LRMDA: variants seen among roughly 807,000 people sequenced by gnomAD.
LRMDA encodes the protein leucine-rich melanocyte differentiation-associated protein.
LRMDA carries 18 observed loss-of-function variants against 29.8 expected under a neutral mutation model. The observed-to-expected ratio is 0.60, with a 90% CI of 0.42 to 0.90. The LOEUF (loss-of-function observed/expected upper bound fraction) is 0.90. Ranked by LOEUF, LRMDA falls within the 40% of genes least tolerant of loss-of-function variation. The pLI is 0.00. For missense variants in LRMDA, 273 were observed against 273.9 expected (o/e 1.00, Z 0.02); for synonymous variants, 125 against 109.4 (o/e 1.14, Z -0.89).
At chr10:75,967,316 A>G (rs531249979) in intron 2 of LRMDA, among the ~76,000 whole-genome samples, 7 of 152,212 alleles carry the variant, frequency 4.6e-5, no homozygotes, top group East Asian at 1.9e-4. Flanking sequence ...GAACTTTTTC[A>G]TGCTCCTTGC....
intron 6 of LRMDA, among the ~76,000 whole-genome samples, chr10:76,435,989 T>C (rs1842240827): frequency 6.6e-6 from 1 of 152,200 alleles, no homozygotes; most frequent in Non-Finnish European, 1.5e-5. Flanking sequence ...GGGATATTGG[T>C]TATTTCCCCA....
At chr10:76,040,168 T>A (rs1172515399) in intron 3 of LRMDA, among the ~76,000 whole-genome samples, 1 of 152,088 alleles carries the variant, frequency 6.6e-6, no homozygotes, top group African/African-American at 2.4e-5. Flanking sequence ...GGAGCGGCAA[T>A]CATTGTACAA....
At chr10:76,167,168 T>C (rs565230302) in intron 5 of LRMDA, among the ~76,000 whole-genome samples, 141 of 152,330 alleles carry the variant, frequency 9.3e-4, no homozygotes, top group African/African-American at 3.2e-3. Flanking sequence ...GTTTTTTTCT[T>C]GTACATTTGT....
At chr10:76,333,111 C>T (rs745970437) in intron 6 of LRMDA, among the ~76,000 whole-genome samples, 15 of 152,006 alleles carry the variant, frequency 9.9e-5, no homozygotes, top group Non-Finnish European at 1.6e-4. Flanking sequence ...GAAGGGCATT[C>T]CAGAAAGATA....
intron 2 of LRMDA, among the ~76,000 whole-genome samples, chr10:75,548,046 A>G (rs1158642278): frequency 6.6e-6 from 1 of 151,930 alleles, no homozygotes; most frequent in African/African-American, 2.4e-5. Flanking sequence ...AGCATTAATC[A>G]TTCTGTATCT....
In LRMDA at chr10:75,981,443, T is replaced by G. The variant is rs77099552; in HGVS notation, c.132-54565T>G. 7.5e-4 allele frequency among the ~76,000 whole-genome samples: 114 copies of G among 152,360 alleles called. 2 individuals are homozygous for G. The East Asian group carries it at 0.018, about 24-fold the overall frequency. ...CAAAGACTCTTTTTCCCTTTTCATCTTCATCTATTGAAATAACATATAACA... is the reference window on the plus strand; with the variant it reads ...CAAAGACTCTTTTTCCCTTTTCATCGTCATCTATTGAAATAACATATAACA... On this transcript the variant is annotated intron_variant, in intron 2 of 6. Transcript: ENST00000611255.
intron 6 of LRMDA, among the ~76,000 whole-genome samples, chr10:76,446,514 C>A (rs759265136): frequency 3.9e-5 from 6 of 152,140 alleles, no homozygotes; most frequent in Non-Finnish European, 7.4e-5. Context: ...GCTAATCATG[C>A]TGCTTTTTCT....
At position 76,474,406 on chromosome 10, in the gene LRMDA, T is replaced by A. The variant is rs1842646882; in HGVS notation, c.602-82803T>A. On this transcript the variant is annotated intron_variant, in intron 6 of 6. Coordinates refer to ENST00000611255, the MANE Select transcript of LRMDA (RefSeq NM_001305581.2). ...ACTTCCTCAAAATTTAAAACTTGGG[T>A]GCCTCAAAGAACATCATCAGGAGTG... is the stretch of plus-strand genomic sequence containing the variant. Among the ~76,000 whole-genome samples, 2 of 151,560 alleles carry A rather than the reference T, an allele frequency of 1.3e-5. 1 individual carries two copies. Among genetic ancestry groups the A allele is most frequent in the South Asian group, 4.1e-4 (2 of 4,834 alleles).
At chr10:75,934,145 T>C (rs938263745) in intron 2 of LRMDA, among the ~76,000 whole-genome samples, 7 of 152,194 alleles carry the variant, frequency 4.6e-5, no homozygotes, top group African/African-American at 1.7e-4. Flanking sequence ...AGGCATCACC[T>C]GCTGACCTAA....
chr10:75,873,521 T>C (rs1845146991), intron 2 of LRMDA, among the ~76,000 whole-genome samples: 1 of 152,162 alleles, frequency 6.6e-6, no homozygotes, highest in Non-Finnish European at 1.5e-5. Context: ...CTTTGTTCTT[T>C]GGGGTTTCAA....
At chr10:76,155,824 C>T (rs1865642) in intron 5 of LRMDA, among the ~76,000 whole-genome samples, 143,891 of 152,268 alleles carry the variant, frequency 0.94, 68,081 homozygotes, top group East Asian at 1. Flanking sequence ...ACTTATCAGC[C>T]TCCAGGTGTA....
intron 2 of LRMDA, among the ~76,000 whole-genome samples, chr10:75,510,988 T>C (rs1478464978): frequency 6.6e-6 from 1 of 152,192 alleles, no homozygotes; most frequent in Non-Finnish European, 1.5e-5. Flanking sequence ...CTCTGTTCCC[T>C]TCTGTGCCCA....
chr10:76,068,363 C>T (rs1257871405), intron 5 of LRMDA, among the ~76,000 whole-genome samples: 1 of 152,184 alleles, frequency 6.6e-6, no homozygotes, highest in Non-Finnish European at 1.5e-5. Flanking sequence ...GGGCAGCAGT[C>T]ACCAACGTTT....
intron 2 of LRMDA, among the ~76,000 whole-genome samples, chr10:75,900,036 G>T (rs1411224405): frequency 6.6e-6 from 1 of 152,186 alleles, no homozygotes; most frequent in Non-Finnish European, 1.5e-5. Flanking sequence ...CTTCCTTTGA[G>T]AAAACAAATA....
At position 76,058,734 on chromosome 10, in the gene LRMDA, G is replaced by T; in HGVS notation, c.467G>T (p.Arg156Leu). ...GCCCAGAAAGTAACCAGACAAGAAC[G>T]AGAGGAGGCGTTGGTCAGAGGAGTC... The part of the protein sequence containing the change: ...LDAQKVTRQE[R>L]EEALVRGVFM... The change falls in exon 5 of 7, where the codon CGA (arginine) becomes CTA (leucine). Residue 156 changes from arginine to leucine, a missense_variant. Arg to Leu is a moderately radical substitution (Grantham distance 102). Transcript: ENST00000611255. The T allele has an allele frequency of 6.2e-7, 1 of 1,614,192 alleles. No individual in the cohort carries two copies. Among genetic ancestry groups the T allele is most frequent in the Middle Eastern group, 1.6e-4 (1 of 6,062 alleles).
chr10:76,547,118 G>A (rs1487395004), intron 6 of LRMDA, among the ~76,000 whole-genome samples: 3 of 152,002 alleles, frequency 2.0e-5, no homozygotes, highest in Admixed American at 1.3e-4. Context: ...TTATTTTTAC[G>A]TTTTTTACTT....
intron 5 of LRMDA, among the ~76,000 whole-genome samples, chr10:76,136,474 T>A (rs1000611643): frequency 2.6e-5 from 4 of 152,182 alleles, no homozygotes; most frequent in African/African-American, 9.6e-5. Context: ...CTGGTTCACA[T>A]GCTGATATAT....
At chr10:76,286,297 G>GT in intron 5 of LRMDA, among the ~76,000 whole-genome samples, 2 of 152,322 alleles carry the variant, frequency 1.3e-5, no homozygotes, top group Non-Finnish European at 2.9e-5. Flanking sequence ...GCTGTAAGGA[G>GT]TGGAGAAAGC....
At chr10:75,679,989 C>T (rs530855817) in intron 2 of LRMDA, among the ~76,000 whole-genome samples, 8 of 152,312 alleles carry the variant, frequency 5.3e-5, no homozygotes, top group South Asian at 2.1e-4. Flanking sequence ...GAGCCAGAAA[C>T]GCAGTCAGTC....
Sources: gnomAD v4.1 joint callset for allele counts (sites outside exome capture counted in the v4.1 genomes callset) on GRCh38, gnomAD v4.1.1 for gene constraint, MANE v1.5 for transcripts, NCBI Gene and HGNC (gene_info 2026-07-23, HGNC 2026-07-21) for gene names.